The following TMTC2 variants were observed in gnomAD, a reference collection of about 807,000 sequenced individuals.
The protein encoded by TMTC2 is transmembrane O-mannosyltransferase targeting cadherins 2.
In TMTC2, 43 loss-of-function variants were observed where a neutral mutation model predicts 82.4. The observed-to-expected ratio is 0.52, with a 90% CI of 0.41 to 0.67. TMTC2 has a LOEUF of 0.67. Among genes scored for constraint, TMTC2 ranks in the 30% least tolerant of loss-of-function variants. The pLI, the probability that TMTC2 is intolerant of heterozygous loss-of-function variation, is 0.00. For missense variants in TMTC2, 919 were observed against 1,012.4 expected (o/e 0.91, Z 1.25); for synonymous variants, 408 against 381.9 (o/e 1.07, Z -0.80).
chr12:82,875,907 A>C (rs1872461683), intron 2 of TMTC2, among the ~76,000 whole-genome samples: 1 of 151,556 alleles, frequency 6.6e-6, no homozygotes, highest in Admixed American at 6.6e-5. Flanking sequence ...CTTAAAAAAA[A>C]AAAAAAAAAA....
chr12:83,126,667 T>G (rs56145090), intron 11 of TMTC2, among the ~76,000 whole-genome samples: 12 of 151,794 alleles, frequency 7.9e-5, no homozygotes, highest in African/African-American at 2.4e-4. Context: ...GATGTGAGTA[T>G]GTATATGGGT....
intron 2 of TMTC2, among the ~76,000 whole-genome samples, chr12:82,889,263 T>A: frequency 7.0e-6 from 1 of 143,490 alleles, no homozygotes; most frequent in Admixed American, 7.1e-5. Flanking sequence ...GGAGACAGAG[T>A]CTCCAAAAAA....
intron 1 of TMTC2, among the ~76,000 whole-genome samples, chr12:82,762,518 A>G (rs957342320): frequency 6.6e-6 from 1 of 152,130 alleles, no homozygotes; most frequent in Admixed American, 6.5e-5. Flanking sequence ...CTGTTATTCA[A>G]GTTATTTCCT....
At chr12:83,068,944 T>C (rs190165162) in intron 11 of TMTC2, among the ~76,000 whole-genome samples, 6 of 152,246 alleles carry the variant, frequency 3.9e-5, no homozygotes, top group Admixed American at 3.3e-4. Context: ...CACATATCAT[T>C]GAGAACATAC....
chr12:83,066,743 T>G lies in TMTC2; in HGVS notation c.2331+4912T>G, dbSNP rs1882930576. Among the ~76,000 whole-genome samples, 4 of 151,920 alleles carry G rather than the reference T, an allele frequency of 2.6e-5. No homozygotes were observed. The South Asian group carries it at 8.3e-4, about 31-fold the overall frequency. The stretch of plus-strand genomic sequence containing the variant: ...ATTTCAAAAGATCTGATTAAGATAA[T>G]TAGTTGGCCACCATATATGTTCCAA... On this transcript the variant is annotated intron_variant, in intron 11 of 11. Transcript: ENST00000321196.
Position 83,010,325 on chromosome 12 carries a change from C to T in TMTC2, c.2071-20473C>T, listed in dbSNP as rs538430144. On this transcript the variant is annotated intron_variant, in intron 8 of 11. Transcript: ENST00000321196. ...TGAGTTCCTTTCTCAAGAAACCAGC[C>T]ATCAGGCCTCCCAGATTGTATCAAG... Among the ~76,000 whole-genome samples, 3 of 152,262 alleles carry T rather than the reference C, an allele frequency of 2.0e-5. No homozygotes were observed. The South Asian group carries it at 6.2e-4, about 32-fold the overall frequency.
At chr12:82,706,854 C>A (rs117698239) in intron 1 of TMTC2, among the ~76,000 whole-genome samples, 2 of 152,094 alleles carry the variant, frequency 1.3e-5, no homozygotes, top group Admixed American at 6.6e-5. Flanking sequence ...GAAAGACGTG[C>A]CTACTTTCCT....
intron 1 of TMTC2, among the ~76,000 whole-genome samples, chr12:82,774,132 T>C (rs1877457556): frequency 6.6e-6 from 1 of 152,138 alleles, no homozygotes; most frequent in South Asian, 2.1e-4. Flanking sequence ...TACAGGTTGA[T>C]GCTGTTATAT....
intron 1 of TMTC2, chr12:82,758,758 A>G (rs968064771): frequency 1.5e-4 from 23 of 152,340 alleles, no homozygotes; most frequent in African/African-American, 5.5e-4. Context: ...TTTTAACAAT[A>G]ATTAAAATCC....
At chr12:82,779,341 A>G (rs1877777262) in intron 1 of TMTC2, among the ~76,000 whole-genome samples, 1 of 152,112 alleles carries the variant, frequency 6.6e-6, no homozygotes, top group Admixed American at 6.5e-5. Flanking sequence ...TATTAAATAA[A>G]TCATTCTGAT....
At chr12:83,026,804 T>G in intron 8 of TMTC2, among the ~76,000 whole-genome samples, 1 of 151,428 alleles carries the variant, frequency 6.6e-6, no homozygotes. Context: ...TGATCAGTGA[T>G]TGGGAGAGAT....
intron 7 of TMTC2, among the ~76,000 whole-genome samples, chr12:82,973,654 A>C (rs1249471824): frequency 6.6e-6 from 1 of 152,242 alleles, no homozygotes; most frequent in Non-Finnish European, 1.5e-5. Context: ...TTTGCTAGGC[A>C]TTAGTCTATA....
intron 1 of TMTC2, among the ~76,000 whole-genome samples, chr12:82,693,288 G>A (rs192640899): frequency 1.5e-3 from 225 of 152,172 alleles, no homozygotes; most frequent in African/African-American, 5.2e-3. Flanking sequence ...CTTTCATTGG[G>A]AGTCTGTTAG....
intron 2 of TMTC2, among the ~76,000 whole-genome samples, chr12:82,858,801 T>A (rs1363202717): frequency 6.6e-6 from 1 of 152,148 alleles, no homozygotes; most frequent in African/African-American, 2.4e-5. Context: ...CTGGTTAGAG[T>A]TTGATGCTTG....
At chr12:83,098,059 A>G (rs1232678716) in intron 11 of TMTC2, among the ~76,000 whole-genome samples, 1 of 152,224 alleles carries the variant, frequency 6.6e-6, no homozygotes, top group Non-Finnish European at 1.5e-5. Flanking sequence ...GGGCTACTCT[A>G]TGGAGAATGG....
chr12:83,090,090 C>G (rs1883794504), intron 11 of TMTC2, among the ~76,000 whole-genome samples: 2 of 152,152 alleles, frequency 1.3e-5, no homozygotes, highest in African/African-American at 4.8e-5. Context: ...AGGGTATGGA[C>G]AGTCATAATA....
chr12:82,801,172 T>G (rs1480700813), intron 1 of TMTC2, among the ~76,000 whole-genome samples: 1 of 151,970 alleles, frequency 6.6e-6, no homozygotes, highest in Non-Finnish European at 1.5e-5. Context: ...CCTGAATTGG[T>G]GGGTTCTTGG....
chr12:83,002,777 T>G (rs1251698804), intron 8 of TMTC2, among the ~76,000 whole-genome samples: 1 of 66,720 alleles, frequency 1.5e-5, no homozygotes, highest in Non-Finnish European at 4.1e-5. Flanking sequence ...TTTGGTAAGA[T>G]TTTGATTTTT....
At chr12:82,960,738 A>G (rs1463357730) in intron 4 of TMTC2, among the ~76,000 whole-genome samples, 1 of 152,048 alleles carries the variant, frequency 6.6e-6, no homozygotes, top group Non-Finnish European at 1.5e-5. Context: ...CCACAGCATC[A>G]TGCAATATAT....
Sources: gnomAD v4.1 joint callset for allele counts (sites outside exome capture counted in the v4.1 genomes callset) on GRCh38, gnomAD v4.1.1 for gene constraint, MANE v1.5 for transcripts, NCBI Gene and HGNC (gene_info 2026-07-23, HGNC 2026-07-21) for gene names.